Variants in TRMT11 observed in about 807,000 individuals in gnomAD.
TRMT11 encodes the protein tRNA (guanine(10)-N(2))-methyltransferase TRMT11.
TRMT11 carries 53 observed loss-of-function variants against 62.8 expected under a neutral mutation model. The ratio of observed to expected loss-of-function variants is 0.84; its 90% CI spans 0.68 to 1.06. The LOEUF (loss-of-function observed/expected upper bound fraction) is 1.06, where lower values mean the gene tolerates loss of function less well. Among genes scored for constraint, TRMT11 ranks in the 50% least tolerant of loss-of-function variants. The pLI is 0.00. For synonymous variants in TRMT11, 188 were observed against 190.3 expected, an observed-to-expected ratio of 0.99 and a Z score of 0.10; for missense variants, 556 against 553.4, an observed-to-expected ratio of 1.00 and a Z score of -0.05.
At chr6:126,209,693 A>G in the TRMT11 span, among the ~76,000 whole-genome samples, 10 of 152,110 alleles carry the variant, frequency 6.6e-5, no homozygotes, top group Non-Finnish European at 1.5e-4. Context: ...ATGCCACCGC[A>G]CTCCAGCCTG....
chr6:126,148,493 C>T (rs564412551), intron 21 of TRMT11, among the ~76,000 whole-genome samples: 74 of 152,288 alleles, frequency 4.9e-4, no homozygotes, highest in African/African-American at 1.6e-3. Flanking sequence ...CAAGGCAATA[C>T]AGTGCAGCAT....
chr6:126,182,278 G>GA (rs1209215184), intron 1 of TRMT11, among the ~76,000 whole-genome samples: 1 of 152,172 alleles, frequency 6.6e-6, no homozygotes, highest in African/African-American at 2.4e-5. Flanking sequence ...ACCGATGGGG[G>GA]ATCCTGTGAT....
At chr6:126,059,482 A>G (rs1776469154) in intron 17 of TRMT11, among the ~76,000 whole-genome samples, 1 of 152,196 alleles carries the variant, frequency 6.6e-6, no homozygotes, top group Non-Finnish European at 1.5e-5. Flanking sequence ...CAGTTCATGG[A>G]AGGCAGAGGC....
downstream of TRMT11, among the ~76,000 whole-genome samples, chr6:126,208,642 G>A (rs9375430): frequency 1 from 152,286 of 152,380 alleles, 76,097 homozygotes; most frequent in Middle Eastern, 1. Flanking sequence ...AGATTATGTA[G>A]TTTATGGGGT....
intron 16 of TRMT11, among the ~76,000 whole-genome samples, chr6:126,046,819 T>C (rs887400310): frequency 6.6e-6 from 1 of 152,202 alleles, no homozygotes; most frequent in African/African-American, 2.4e-5. Context: ...GTTGTTCTTT[T>C]TGCATCTGAA....
chr6:126,258,080 A>C, the TRMT11 span: 10 of 1,084,594 alleles, frequency 9.2e-6, no homozygotes, highest in Non-Finnish European at 1.4e-5. Context: ...CATCCACGTC[A>C]ATCTCCAGTT....
At chr6:126,117,238 T>C (rs1777600029) in intron 21 of TRMT11, among the ~76,000 whole-genome samples, 1 of 152,112 alleles carries the variant, frequency 6.6e-6, no homozygotes, top group African/African-American at 2.4e-5. Context: ...TGGTCTCCAA[T>C]GAGATCTTTA....
chr6:126,269,199 G>A, the TRMT11 span, among the ~76,000 whole-genome samples: 1 of 143,856 alleles, frequency 7.0e-6, no homozygotes. Context: ...GGGAGGCGGA[G>A]CTTGCAGTGA....
At chr6:126,183,500 A>G (rs928306487) in intron 1 of TRMT11, among the ~76,000 whole-genome samples, 3 of 152,190 alleles carry the variant, frequency 2.0e-5, no homozygotes, top group African/African-American at 7.2e-5. Flanking sequence ...GAACAGTTGG[A>G]GTAAAGGATT....
downstream of TRMT11, among the ~76,000 whole-genome samples, chr6:126,041,249 G>C (rs1165346444): frequency 1.3e-5 from 2 of 152,062 alleles, no homozygotes; most frequent in African/African-American, 4.8e-5. Context: ...TTAACATCAC[G>C]GGAGGCATTG....
At chr6:126,210,484 C>T in the TRMT11 span, among the ~76,000 whole-genome samples, 1 of 152,178 alleles carries the variant, frequency 6.6e-6, no homozygotes, top group South Asian at 2.1e-4. Flanking sequence ...CAGTTTATCC[C>T]TGACTGGACT....
At chr6:126,054,967 A>G (rs1776327493) in intron 17 of TRMT11, among the ~76,000 whole-genome samples, 1 of 152,050 alleles carries the variant, frequency 6.6e-6, no homozygotes, top group Admixed American at 6.5e-5. Context: ...GCTGACGAAC[A>G]TTTTTGTTGT....
chr6:126,173,491 G>A (rs560706991), upstream of TRMT11, among the ~76,000 whole-genome samples: 24 of 152,142 alleles, frequency 1.6e-4, no homozygotes, highest in Non-Finnish European at 2.1e-4. Flanking sequence ...TACAGTTACC[G>A]GAGAATCTTG....
At chr6:126,180,686 A>G (rs569745519) in intron 1 of TRMT11, among the ~76,000 whole-genome samples, 2 of 152,210 alleles carry the variant, frequency 1.3e-5, no homozygotes, top group African/African-American at 2.4e-5. Context: ...TTTTTCTTCA[A>G]CAACTGCTTA....
At chr6:126,030,613 ATTC>A (rs1458270561) in intron 12 of TRMT11, among the ~76,000 whole-genome samples, 3 of 152,216 alleles carry the variant, frequency 2.0e-5, no homozygotes, top group Non-Finnish European at 2.9e-5. Context: ...AGCCATTTGT[ATTC>A]AAGCGTTTGC....
At chr6:126,179,976 TAAGA>T (rs1380106460) in intron 1 of TRMT11, among the ~76,000 whole-genome samples, 2 of 152,092 alleles carry the variant, frequency 1.3e-5, no homozygotes, top group Non-Finnish European at 2.9e-5. Context: ...AGTTTCTATA[TAAGA>T]AAGGAGAAAA....
At chr6:126,271,215 T>A in the TRMT11 span, among the ~76,000 whole-genome samples, 283 of 151,470 alleles carry the variant, frequency 1.9e-3, no homozygotes, top group Non-Finnish European at 1.1e-3. Flanking sequence ...AATACAAAAA[T>A]TAGCTGCATG....
At chr6:126,165,277 C>CA (rs764649605) in intron 21 of TRMT11, among the ~76,000 whole-genome samples, 53,135 of 134,536 alleles carry the variant, frequency 0.39, 10,711 homozygotes, top group Non-Finnish European at 0.5. Context: ...GACCGTGCCT[C>CA]AAAAAAAAAA....
chr6:126,075,502 C>G (rs1418956953), intron 17 of TRMT11, among the ~76,000 whole-genome samples: 1 of 152,046 alleles, frequency 6.6e-6, no homozygotes, highest in Admixed American at 6.6e-5. Flanking sequence ...TCTCTTCCCC[C>G]TGCTCCAGCC....
Sources: allele counts gnomAD v4.1 joint callset (sites outside exome capture counted in the v4.1 genomes callset), GRCh38; gene constraint gnomAD v4.1.1; transcripts MANE v1.5; gene names NCBI Gene and HGNC (gene_info 2026-07-23, HGNC 2026-07-21).